The following ROBO1 variants were observed in gnomAD, a reference collection of about 807,000 sequenced individuals.
The protein encoded by ROBO1 is roundabout guidance receptor 1.
A neutral mutation model predicts 195.9 loss-of-function variants in ROBO1; 149 were observed. That is an observed-to-expected ratio of 0.76 (90% CI 0.67 to 0.87). The LOEUF is 0.87. Among genes scored for constraint, ROBO1 ranks in the 40% least tolerant of loss-of-function variants. ROBO1 has a pLI of 0.00. For synonymous variants in ROBO1, 816 were observed against 733.2 expected (o/e 1.11, Z -1.82); for missense variants, 1,933 against 2,068.3 (o/e 0.93, Z 1.27).
At chr3:79,263,427 C>T (rs1465258827) in intron 2 of ROBO1, among the ~76,000 whole-genome samples, 1 of 151,940 alleles carries the variant, frequency 6.6e-6, no homozygotes, top group Non-Finnish European at 1.5e-5. Flanking sequence ...GGCAGGAAAA[C>T]AGCATGAGGA....
At chr3:78,776,036 T>C (rs1256163540) in intron 4 of ROBO1, among the ~76,000 whole-genome samples, 1 of 152,210 alleles carries the variant, frequency 6.6e-6, no homozygotes, top group Non-Finnish European at 1.5e-5. Flanking sequence ...TACATCTTTA[T>C]GGTTACATGT....
chr3:79,718,093 G>A (rs186190262), intron 1 of ROBO1, among the ~76,000 whole-genome samples: 271 of 151,822 alleles, frequency 1.8e-3, no homozygotes, highest in African/African-American at 6.0e-3. Context: ...AAAAGAAGAT[G>A]GATAATATTA....
At chr3:78,744,928 A>G (rs1006910141) in intron 5 of ROBO1, among the ~76,000 whole-genome samples, 1 of 151,996 alleles carries the variant, frequency 6.6e-6, no homozygotes, top group Non-Finnish European at 1.5e-5. Context: ...ACACTTATTT[A>G]TTTTGGTTTT....
chr3:79,521,875 A>G (rs1941224022), intron 2 of ROBO1, among the ~76,000 whole-genome samples: 1 of 152,088 alleles, frequency 6.6e-6, no homozygotes, highest in African/African-American at 2.4e-5. Context: ...TGCCTTGGAT[A>G]TCTGTGTCAG....
intron 3 of ROBO1, among the ~76,000 whole-genome samples, chr3:78,968,458 GAT>G (rs1030648776): frequency 9.2e-5 from 14 of 151,684 alleles, no homozygotes; most frequent in Admixed American, 6.6e-4. Context: ...CTTTCACCAT[GAT>G]GGGGATGGGG....
intron 1 of ROBO1, among the ~76,000 whole-genome samples, chr3:79,765,849 G>A (rs1282086494): frequency 6.6e-6 from 1 of 152,052 alleles, no homozygotes; most frequent in East Asian, 1.9e-4. Context: ...TCCTCTGTGC[G>A]CTCAGCCCGG....
intron 1 of ROBO1, among the ~76,000 whole-genome samples, chr3:79,654,663 A>T (rs897940985): frequency 1.3e-5 from 2 of 151,936 alleles, no homozygotes; most frequent in Admixed American, 1.3e-4. Flanking sequence ...TTTTCAGACT[A>T]CCTTTCTAAT....
In ROBO1 at chr3:79,766,545, C is replaced by T. The variant is rs563917600; in HGVS notation, c.-51+1207G>A. Among the ~76,000 whole-genome samples the T allele has an allele frequency of 1.8e-4, 27 of 151,982 alleles. No homozygotes were observed. In the South Asian group the frequency reaches 4.2e-3, roughly 24 times the overall value. ...TCCGAGACCTCAGGGCGCGTGGCAA[C>T]TGGGCAGAAGCCGTCTCTGCAGCGC... is the stretch of plus-strand genomic sequence containing the variant. On this transcript the variant is annotated intron_variant, in intron 1 of 30. Transcript: ENST00000464233.
At chr3:78,753,334 A>T (rs762228680) in intron 4 of ROBO1, among the ~76,000 whole-genome samples, 8 of 152,114 alleles carry the variant, frequency 5.3e-5, no homozygotes, top group Non-Finnish European at 1.2e-4. Context: ...CTTAAACCAC[A>T]TTCACATTTT....
intron 5 of ROBO1, among the ~76,000 whole-genome samples, chr3:78,743,419 C>G (rs2082580171): frequency 6.6e-6 from 1 of 152,158 alleles, no homozygotes; most frequent in Non-Finnish European, 1.5e-5. Flanking sequence ...TAACTCTCCT[C>G]CTTTCTCAGT....
At chr3:79,302,003 G>A (rs2032982737) in intron 2 of ROBO1, among the ~76,000 whole-genome samples, 1 of 152,050 alleles carries the variant, frequency 6.6e-6, no homozygotes, top group African/African-American at 2.4e-5. Context: ...CTTTGTATAA[G>A]CTACATTCCA....
chr3:79,721,149 C>G (rs1262774298), intron 1 of ROBO1, among the ~76,000 whole-genome samples: 1 of 152,136 alleles, frequency 6.6e-6, no homozygotes, highest in Non-Finnish European at 1.5e-5. Flanking sequence ...TCTGTTCCCC[C>G]TTATCCAAAT....
intron 27 of ROBO1, among the ~76,000 whole-genome samples, chr3:78,617,229 T>A (rs1045571942): frequency 3.3e-5 from 5 of 152,124 alleles, no homozygotes; most frequent in African/African-American, 1.2e-4. Context: ...TCACAACAAA[T>A]TTGATTTTGG....
rs369079415 is a variant in ROBO1, at chr3:79,701,966, G to T, written c.-51+65786C>A. 5.3e-5 allele frequency among the ~76,000 whole-genome samples: 8 copies of T among 151,844 alleles called. No individual in the cohort carries two copies. In the East Asian group the frequency reaches 1.4e-3, roughly 26 times the overall value. On this transcript the variant is annotated intron_variant, in intron 1 of 30. Coordinates refer to ENST00000464233, the MANE Select transcript of ROBO1 (RefSeq NM_002941.4). Reference sequence around the variant, plus strand: ...GACTATACAAAGCAGATTATATAAAGTAGACTATATATCTAAACTTCGTCC... The same window carrying T: ...GACTATACAAAGCAGATTATATAAATTAGACTATATATCTAAACTTCGTCC...
chr3:79,519,986 C>T (rs1371586798), intron 2 of ROBO1, among the ~76,000 whole-genome samples: 1 of 151,686 alleles, frequency 6.6e-6, no homozygotes, highest in Non-Finnish European at 1.5e-5. Flanking sequence ...GGAAAAGCCC[C>T]GCTGTGTAGA....
At chr3:79,643,666 G>A (rs1163821674) in intron 1 of ROBO1, among the ~76,000 whole-genome samples, 1 of 151,654 alleles carries the variant, frequency 6.6e-6, no homozygotes, top group African/African-American at 2.4e-5. Flanking sequence ...AATATAACTT[G>A]TTATATCTAT....
intron 2 of ROBO1, among the ~76,000 whole-genome samples, chr3:79,569,944 C>A (rs953857295): frequency 2.6e-5 from 4 of 151,540 alleles, no homozygotes; most frequent in Non-Finnish European, 5.9e-5. Context: ...ACTAAAAATA[C>A]AAAAAAATTG....
intron 2 of ROBO1, among the ~76,000 whole-genome samples, chr3:79,357,619 T>G (rs1159484574): frequency 1.3e-5 from 2 of 152,172 alleles, no homozygotes; most frequent in Admixed American, 6.6e-5. Flanking sequence ...ATGTTTCAAC[T>G]GAACTGGATC....
At chr3:79,426,544 A>AT (rs1272266195) in intron 2 of ROBO1, among the ~76,000 whole-genome samples, 1 of 151,814 alleles carries the variant, frequency 6.6e-6, no homozygotes, top group Non-Finnish European at 1.5e-5. Context: ...TAATTTTTGT[A>AT]TTTTTGTAGG....
Sources: allele counts gnomAD v4.1 joint callset (sites outside exome capture counted in the v4.1 genomes callset), GRCh38; gene constraint gnomAD v4.1.1; transcripts MANE v1.5; gene names NCBI Gene and HGNC (gene_info 2026-07-23, HGNC 2026-07-21).